The following BNC1 variants were observed in gnomAD, a reference collection of about 807,000 sequenced individuals.
BNC1 encodes the protein basonuclin zinc finger protein 1, also known as zinc finger protein basonuclin-1.
BNC1 carries 8 observed loss-of-function variants against 66.5 expected under a neutral mutation model. The observed-to-expected ratio is 0.12, with a 90% CI of 0.07 to 0.22. The LOEUF is 0.22. Among genes scored for constraint, BNC1 ranks in the 10% least tolerant of loss-of-function variants. The pLI, the probability that BNC1 is intolerant of heterozygous loss-of-function variation, is 1.00. For synonymous variants in BNC1, 454 were observed against 452.6 expected (o/e 1.00, Z -0.04); for missense variants, 1,069 against 1,241.3 (o/e 0.86, Z 2.09).
Position 83,278,747 on chromosome 15 carries a change from A to C in BNC1, c.99+5783T>G, listed in dbSNP as rs567821224. On this transcript the variant is annotated intron_variant, in intron 1 of 4. Coordinates refer to ENST00000345382, the MANE Select transcript of BNC1 (RefSeq NM_001717.4). ...CATTTGTCTCTGGACTGAAGGATAC[A>C]TACCACCACACATATGGTGTTCTTG... 1.4e-4 allele frequency among the ~76,000 whole-genome samples: 21 copies of C among 152,362 alleles called. No individual in the cohort carries two copies. In the East Asian group the frequency reaches 3.9e-3, roughly 28 times the overall value.
chr15:83,263,308 T>TC lies in BNC1; in HGVS notation c.1942dup (p.Glu648GlyfsTer8). 1 of 1,614,198 alleles carries TC rather than the reference T, an allele frequency of 6.2e-7. No individual in the cohort carries two copies. The highest frequency in any genetic ancestry group is 8.5e-7 in the Non-Finnish European group (1 of 1,180,022). On this transcript the variant is annotated frameshift_variant, in exon 4 of 5. Coordinates refer to ENST00000345382, the MANE Select transcript of BNC1 (RefSeq NM_001717.4). LOFTEE classifies it high-confidence loss of function. ...GTGTTCATGGCCACCATCCTCGACCTCCCTTGGCACCATGATCAATGCTGG... is the reference window on the plus strand; with the variant it reads ...GTGTTCATGGCCACCATCCTCGACCTCCCCTTGGCACCATGATCAATGCTGG...
chr15:83,272,394 C>CTTTTTTTTTTT (rs750429207), intron 1 of BNC1, among the ~76,000 whole-genome samples: 16 of 122,698 alleles, frequency 1.3e-4, no homozygotes, highest in African/African-American at 3.4e-4. Context: ...CCACACCTGG[C>CTTTTTTTTTTT]TTTTTTTTTT....
chr15:83,263,884 T>A lies in BNC1; in HGVS notation c.1367A>T (p.Tyr456Phe). The change falls in exon 4 of 5, where the codon TAC becomes TTC. Residue 456 changes from tyrosine to phenylalanine, a missense_variant. Around this residue, in one of 7 missense-constraint regions of BNC1, gnomAD observed 657 missense variants for 715.8 expected, o/e 0.92. Transcript: ENST00000345382. ...TSPDCRPPPS[Y>F]PGSGEDSKGQ... Reference sequence around the variant, plus strand: ...TTTGGAATCCTCTCCTGAACCAGGGTAGCTGGGAGGAGGCCTACAGTCTGG... The same window carrying A: ...TTTGGAATCCTCTCCTGAACCAGGGAAGCTGGGAGGAGGCCTACAGTCTGG... The A allele has an allele frequency of 6.2e-7, 1 of 1,614,148 alleles. No homozygotes were observed. The highest frequency in any genetic ancestry group is 1.3e-5 in the African/African-American group (1 of 75,026).
chr15:83,278,628 CATT>C (rs1235117998), intron 1 of BNC1, among the ~76,000 whole-genome samples: 4 of 152,100 alleles, frequency 2.6e-5, no homozygotes, highest in African/African-American at 9.7e-5. Flanking sequence ...GTAAAAAAAT[CATT>C]GATGAGACAA....
In BNC1 at chr15:83,258,029, C is replaced by G. The variant is rs1567190022; in HGVS notation, c.2398G>C (p.Val800Leu). The G allele has an allele frequency of 1.2e-6, 2 of 1,613,954 alleles. No homozygotes were observed. Among genetic ancestry groups the G allele is most frequent in the Non-Finnish European group, 1.7e-6 (2 of 1,179,910 alleles). Residue 800 changes from valine to leucine, a missense_variant, in exon 5 of 5, where the codon GTG becomes CTG. Coordinates refer to ENST00000345382, the MANE Select transcript of BNC1 (RefSeq NM_001717.4). ...HFRAAYLLKD[V>L]AKEAYQDVAF... The stretch of plus-strand genomic sequence containing the variant: ...ACATCCTGATAGGCTTCCTTAGCCA[C>G]ATCTTTCAGAAGGTAAGCTGCACGG...
chr15:83,284,522 G>A lies in BNC1; in HGVS notation c.99+8C>T. 2 of 1,197,544 alleles carry A rather than the reference G, an allele frequency of 1.7e-6. No individual in the cohort carries two copies. Among genetic ancestry groups the A allele is most frequent in the Non-Finnish European group, 1.0e-6 (1 of 953,952 alleles). 74.2% of individuals were successfully genotyped at this position (1,197,544 alleles called of 1,614,324 possible). On this transcript the variant is annotated splice_region_variant and intron_variant, in intron 1 of 4. Transcript: ENST00000345382. Reference sequence around the variant, plus strand: ...AATCCCCGCGCCCGCGGAGGGCGCCGCGCTTACCTCGGCCATCCTGCGACC... The same window carrying A: ...AATCCCCGCGCCCGCGGAGGGCGCCACGCTTACCTCGGCCATCCTGCGACC...
Position 83,268,252 on chromosome 15 carries a change from A to C in BNC1, c.100-20T>G. 6.3e-7 allele frequency: 1 copy of C among 1,578,352 alleles called. No homozygotes were observed. The highest frequency in any genetic ancestry group is 8.7e-7 in the Non-Finnish European group (1 of 1,147,548). On this transcript the variant is annotated intron_variant, in intron 1 of 4. Transcript: ENST00000345382. ...GATAGCCTGAAAAAGAGGAGAAAAC[A>C]GGTATGTGGAGCATGTAAGTGATGT...
Position 83,258,268 on chromosome 15 carries a change from G to GT in BNC1, c.2301-143dup, listed in dbSNP as rs2038105184. On this transcript the variant is annotated intron_variant, in intron 4 of 4. Coordinates refer to ENST00000345382, the MANE Select transcript of BNC1 (RefSeq NM_001717.4). ...ATAAGGGGGTAGGCCCCCATGGGAT[G>GT]TAACACCTGTCTGGTGGATACAGAC... is the stretch of plus-strand genomic sequence containing the variant. The GT allele has an allele frequency of 1.3e-5, 11 of 822,628 alleles. No individual in the cohort carries two copies. The East Asian group carries it at 2.7e-4, about 20-fold the overall frequency. 51.0% of individuals were successfully genotyped at this position (822,628 alleles called of 1,614,324 possible). A position where few individuals can be genotyped will look rare whatever the true frequency, so the allele number is the denominator to read the frequency against.
Position 83,257,795 on chromosome 15 carries a change from C to T in BNC1, c.2632G>A (p.Gly878Arg), listed in dbSNP as rs750398451. The T allele has an allele frequency of 3.7e-5, 60 of 1,614,040 alleles. No individual in the cohort carries two copies. The highest frequency in any genetic ancestry group is 8.8e-5 in the South Asian group (8 of 91,074). ...SSSHSSWDSD[G>R]VSEEGTVLME... ...AGCACAGTGCCTTCCTCACTCACCC[C>T]GTCAGAGTCCCAGGAAGAATGGCTG... The change falls in exon 5 of 5, where the codon GGG (glycine) becomes AGG (arginine). Residue 878 changes from glycine (G) to arginine (R), a missense_variant. Coordinates refer to ENST00000345382, the MANE Select transcript of BNC1 (RefSeq NM_001717.4).
rs999160793 is a variant in BNC1, at chr15:83,270,120, G to T, written c.100-1888C>A. On this transcript the variant is annotated intron_variant, in intron 1 of 4. Transcript: ENST00000345382. ...ACTGCTAGTGGGTAGTAGTTGGAGGGAGTGTGTTCTTGTTTGGTTTGTTTT... is the reference window on the plus strand; with the variant it reads ...ACTGCTAGTGGGTAGTAGTTGGAGGTAGTGTGTTCTTGTTTGGTTTGTTTT... Among the ~76,000 whole-genome samples, 3 of 152,190 alleles carry T rather than the reference G, an allele frequency of 2.0e-5. No individual in the cohort carries two copies. The South Asian group carries it at 6.2e-4, about 32-fold the overall frequency.
At position 83,263,217 on chromosome 15, in the gene BNC1, C is replaced by A. The variant is rs1456401759; in HGVS notation, c.2034G>T (p.Leu678=). Residue 678 remains leucine, a synonymous_variant, in exon 4 of 5, where the codon CTG becomes CTT. Coordinates refer to ENST00000345382, the MANE Select transcript of BNC1 (RefSeq NM_001717.4). ...AAGCACTGAAGAGTCCCCCAGCCAG[C>A]AGGCGCTGCTGCAGTTCCATGTAGT... ...FSDYMELQQR[L]LAGGLFSALS... The A allele has an allele frequency of 6.2e-7, 1 of 1,614,100 alleles. No individual in the cohort carries two copies. Among genetic ancestry groups the A allele is most frequent in the African/African-American group, 1.3e-5 (1 of 74,938 alleles).
rs894417080 is a variant in BNC1, at chr15:83,263,165, A to G, written c.2086T>C (p.Cys696Arg). The change falls in exon 4 of 5, where the codon TGT becomes CGT. Residue 696 changes from cysteine to arginine, a missense_variant. Transcript: ENST00000345382. Reference protein sequence around the residue: ...ALSNRGMAFPCLEDSKELEHV... With the variant: ...ALSNRGMAFPRLEDSKELEHV... The stretch of plus-strand genomic sequence containing the variant: ...TCCAGTTCTTTAGAATCTTCAAGAC[A>G]AGGAAAAGCCATTCCCCTGTTGGAC... 6.2e-7 allele frequency: 1 copy of G among 1,614,198 alleles called. No individual in the cohort carries two copies. Among genetic ancestry groups the G allele is most frequent in the African/African-American group, 1.3e-5 (1 of 75,052 alleles).
At chr15:83,270,828 A>G (rs1369507792) in intron 1 of BNC1, among the ~76,000 whole-genome samples, 1 of 152,168 alleles carries the variant, frequency 6.6e-6, no homozygotes, top group Non-Finnish European at 1.5e-5. Flanking sequence ...GAAGTTTCAA[A>G]TTTTGACCAT....
At chr15:83,268,341 T>C (rs1165361375) in intron 1 of BNC1, 109 bp from the exon 2 acceptor site, 4 of 973,090 alleles carry the variant, frequency 4.1e-6, no homozygotes, top group Non-Finnish European at 6.3e-6. Flanking sequence ...TATTGAGCAA[T>C]ATGTGCCCAC....
In BNC1 at chr15:83,284,642, G is replaced by T. The variant is rs926653579; in HGVS notation, c.-14C>A. 5.5e-4 allele frequency: 540 copies of T among 986,482 alleles called. 2 individuals are homozygous for T. The African/African-American group carries it at 9.0e-3, about 16-fold the overall frequency. 61.1% of individuals were successfully genotyped at this position (986,482 alleles called of 1,614,324 possible). A position where few individuals can be genotyped will look rare whatever the true frequency, so the allele number is the denominator to read the frequency against. On this transcript the variant is annotated 5_prime_UTR_variant, in exon 1 of 5. Transcript: ENST00000345382. Reference sequence around the variant, plus strand: ...GCGCCGCCGCATCCACGCTCCGGCCGTCGGGGCGCGACCCGGCGAAGTGGG... The same window carrying T: ...GCGCCGCCGCATCCACGCTCCGGCCTTCGGGGCGCGACCCGGCGAAGTGGG...
rs1405438469 is a variant in BNC1, at chr15:83,267,058, T to C, written c.213A>G (p.Leu71=). The change falls in exon 3 of 5, where the codon CTA becomes CTG. Residue 71 remains leucine, a synonymous_variant. Transcript: ENST00000345382. ...TTGTTGGATACATGGGGGGGATCCT[T>C]AGCTTACTTAGAGCTGAAAAATCAA... is the stretch of plus-strand genomic sequence containing the variant. ...HGWVAHALSK[L]RIPPMYPTSQ... is the part of the protein sequence containing the mutation. The C allele has an allele frequency of 6.2e-7, 1 of 1,612,990 alleles. No individual in the cohort carries two copies. The highest frequency in any genetic ancestry group is 1.1e-5 in the South Asian group (1 of 91,028).
chr15:83,283,054 G>A (rs762757461), intron 1 of BNC1: 27 of 1,462,422 alleles, frequency 1.8e-5, no homozygotes, highest in Non-Finnish European at 2.4e-5. Context: ...CCGAACCCCC[G>A]AGCGTCTGAT....
chr15:83,279,993 C>T (rs1412695859), intron 1 of BNC1, among the ~76,000 whole-genome samples: 1 of 152,152 alleles, frequency 6.6e-6, no homozygotes, highest in African/African-American at 2.4e-5. Flanking sequence ...TTGTAGTGTT[C>T]TCTAGCTGCT....
intron 3 of BNC1, 151 bp downstream of exon 3, chr15:83,266,685 G>T: frequency 1.5e-6 from 1 of 683,324 alleles, no homozygotes. Context: ...CCAAGAACAT[G>T]AGGTAGGGGC....
Sources: allele counts gnomAD v4.1 joint callset (sites outside exome capture counted in the v4.1 genomes callset), GRCh38; gene constraint gnomAD v4.1.1; regional missense constraint gnomAD v4.1.1; transcripts MANE v1.5; gene names NCBI Gene and HGNC (gene_info 2026-07-23, HGNC 2026-07-21).